The following PRR5 variants were observed in gnomAD, a reference collection of about 807,000 sequenced individuals.
PRR5 encodes proline rich 5.
Under a neutral mutation model 30.6 loss-of-function variants are expected in PRR5, and 25 were observed. The observed-to-expected ratio is 0.82, with a 90% CI of 0.60 to 1.14. The LOEUF is 1.14. Ranked by LOEUF, PRR5 falls within the 50% of genes most tolerant of loss-of-function variation. The pLI, the probability that PRR5 is intolerant of heterozygous loss-of-function variation, is 0.00. For synonymous variants in PRR5, 286 were observed against 247.1 expected (o/e 1.16, Z -1.48); for missense variants, 600 against 547.1 (o/e 1.10, Z -0.96).
At chr22:44,720,075 C>G (rs544111771) in intron 2 of PRR5, among the ~76,000 whole-genome samples, 1 of 152,200 alleles carries the variant, frequency 6.6e-6, no homozygotes, top group Non-Finnish European at 1.5e-5. Context: ...CCCCTCTTCT[C>G]CCTCCCTGGC....
At chr22:44,699,862 C>T (rs953624121), upstream of PRR5, among the ~76,000 whole-genome samples, 5 of 152,088 alleles carry the variant, frequency 3.3e-5, no homozygotes, top group East Asian at 9.6e-4. Context: ...GCTTTATCCT[C>T]TGTTTTCATT....
At chr22:44,712,804 G>A (rs1000588547) in intron 1 of PRR5, among the ~76,000 whole-genome samples, 1 of 152,156 alleles carries the variant, frequency 6.6e-6, no homozygotes, top group African/African-American at 2.4e-5. Flanking sequence ...GGTGGGCGGT[G>A]GCTGTTGTAC....
intron 1 of PRR5, among the ~76,000 whole-genome samples, chr22:44,695,963 C>G (rs1285552479): frequency 3.4e-5 from 4 of 119,262 alleles, no homozygotes; most frequent in Non-Finnish European, 5.0e-5. Context: ...CAGAGTCCCT[C>G]TCTGTCACCC....
At chr22:44,724,032 T>A (rs1437122339) in intron 2 of PRR5, among the ~76,000 whole-genome samples, 1 of 152,222 alleles carries the variant, frequency 6.6e-6, no homozygotes, top group Non-Finnish European at 1.5e-5. Flanking sequence ...ACATTTTGAT[T>A]TGTGGACTGG....
At chr22:44,736,239 C>T (rs566965836) in intron 7 of PRR5, among the ~76,000 whole-genome samples, 7 of 152,208 alleles carry the variant, frequency 4.6e-5, no homozygotes, top group Admixed American at 1.3e-4. Context: ...ACAGGCTCCC[C>T]GCATCCCCAG....
At chr22:44,705,470 C>A (rs1289723228) in intron 1 of PRR5, among the ~76,000 whole-genome samples, 1 of 150,362 alleles carries the variant, frequency 6.7e-6, no homozygotes, top group Non-Finnish European at 1.5e-5. Context: ...ATTACAGGCG[C>A]CCACCACCAC....
chr22:44,698,213 G>A (rs991918009), upstream of PRR5, among the ~76,000 whole-genome samples: 2 of 152,182 alleles, frequency 1.3e-5, no homozygotes, highest in African/African-American at 4.8e-5. Context: ...TTTGGAATGA[G>A]TTTGGGTCCT....
At chr22:44,732,840 A>G (rs1432655948) in intron 6 of PRR5, among the ~76,000 whole-genome samples, 2 of 49,530 alleles carry the variant, frequency 4.0e-5, no homozygotes, top group Non-Finnish European at 9.9e-5. Context: ...CATACTACAC[A>G]CGTGCACACA....
upstream of PRR5, among the ~76,000 whole-genome samples, chr22:44,700,745 TTGTC>T (rs1428911438): frequency 6.6e-6 from 1 of 152,218 alleles, no homozygotes; most frequent in Non-Finnish European, 1.5e-5. Flanking sequence ...ATGAGCAAGT[TTGTC>T]TGTTTATGTC....
intron 2 of PRR5, among the ~76,000 whole-genome samples, chr22:44,719,257 A>AT (rs1929570106): frequency 6.8e-6 from 1 of 147,888 alleles, no homozygotes; most frequent in Non-Finnish European, 1.5e-5. Flanking sequence ...TTTTTTTTTT[A>AT]TTTTTTGTAG....
At chr22:44,714,773 T>C in intron 2 of PRR5, 102 bp downstream of exon 2, 2 of 1,451,538 alleles carry the variant, frequency 1.4e-6, no homozygotes, top group South Asian at 2.5e-5. Context: ...CAGCCACGCC[T>C]GTGCTTCCTC....
chr22:44,718,161 A>G (rs12169404), intron 2 of PRR5, among the ~76,000 whole-genome samples: 3,450 of 149,490 alleles, frequency 0.023, 56 homozygotes, highest in Non-Finnish European at 0.036. Context: ...TCTGTGTGCA[A>G]GAATTTGTGT....
chr22:44,725,210 T>A, intron 2 of PRR5, 34 bp from the exon 3 acceptor site: 15 of 1,613,306 alleles, frequency 9.3e-6, no homozygotes, highest in Non-Finnish European at 1.3e-5. Flanking sequence ...CCGTGTGGTC[T>A]GGGACTCACT....
At chr22:44,708,580 G>A (rs915254638) in intron 1 of PRR5, among the ~76,000 whole-genome samples, 4 of 152,144 alleles carry the variant, frequency 2.6e-5, no homozygotes, top group Admixed American at 2.6e-4. Flanking sequence ...ACCCTGACCT[G>A]TACCGGGCCC....
In PRR5 at chr22:44,730,281, A is replaced by G. The variant is rs562983580; in HGVS notation, c.323-1449A>G. 187 of 985,210 alleles carry G rather than the reference A, an allele frequency of 1.9e-4. 4 individuals are homozygous for G. In the South Asian group the frequency reaches 7.5e-3, roughly 40 times the overall value. The allele number at this position is 985,210 out of a possible 1,614,324, so 61.0% of individuals were successfully genotyped here. A position where few individuals can be genotyped will look rare whatever the true frequency, so the allele number is the denominator to read the frequency against. ...GGCGCAGCCTGAGAGACAGCCGGCA[A>G]CGCTTCCCTCTTCACTCAGAGGCGC... On this transcript the variant is annotated intron_variant, in intron 4 of 7. Transcript: ENST00000336985.
At chr22:44,710,399 T>TG (rs891676520) in intron 1 of PRR5, among the ~76,000 whole-genome samples, 7 of 151,980 alleles carry the variant, frequency 4.6e-5, no homozygotes, top group Admixed American at 2.0e-4. Context: ...CTGCTGGGGC[T>TG]GGGGGGGCTT....
intron 2 of PRR5, among the ~76,000 whole-genome samples, chr22:44,718,105 G>A (rs1445312520): frequency 6.6e-6 from 1 of 151,898 alleles, no homozygotes; most frequent in Non-Finnish European, 1.5e-5. Flanking sequence ...GATGGACGTG[G>A]GTTCTTTCTA....
At chr22:44,675,892 A>G (rs1393303764), upstream of PRR5, among the ~76,000 whole-genome samples, 1 of 151,776 alleles carries the variant, frequency 6.6e-6, no homozygotes, top group African/African-American at 2.4e-5. Flanking sequence ...ACGATCAGTC[A>G]TGTTTATGAT....
At chr22:44,703,313 G>A (rs987297615) in intron 1 of PRR5, among the ~76,000 whole-genome samples, 3 of 141,046 alleles carry the variant, frequency 2.1e-5, no homozygotes, top group African/African-American at 7.5e-5. Flanking sequence ...CTGTTCGCGG[G>A]AGGCAGTGGA....
Sources: gnomAD v4.1 joint callset for allele counts (sites outside exome capture counted in the v4.1 genomes callset) on GRCh38, gnomAD v4.1.1 for gene constraint, MANE v1.5 for transcripts, NCBI Gene and HGNC (gene_info 2026-07-23, HGNC 2026-07-21) for gene names.